XKR6: variants seen among roughly 807,000 people sequenced by gnomAD.
XKR6 encodes XK-related protein 6.
A neutral mutation model predicts 56.7 loss-of-function variants in XKR6; 22 were observed. That is an observed-to-expected ratio of 0.39 (90% CI 0.28 to 0.55). The LOEUF (loss-of-function observed/expected upper bound fraction) is 0.55. Ranked by LOEUF, XKR6 falls within the 20% of genes least tolerant of loss-of-function variation. The pLI, the probability that XKR6 is intolerant of heterozygous loss-of-function variation, is 0.66. For missense variants in XKR6, 852 were observed against 889.0 expected (o/e 0.96, Z 0.53); for synonymous variants, 524 against 387.8 (o/e 1.35, Z -4.13).
intron 1 of XKR6, among the ~76,000 whole-genome samples, chr8:11,036,871 T>C (rs1799158441): frequency 6.6e-6 from 1 of 152,210 alleles, no homozygotes; most frequent in South Asian, 2.1e-4. Context: ...TGTTATTCTG[T>C]GAGCACAGGG....
At chr8:10,913,605 A>G (rs919308270) in intron 2 of XKR6, among the ~76,000 whole-genome samples, 5 of 152,218 alleles carry the variant, frequency 3.3e-5, no homozygotes, top group Admixed American at 6.5e-5. Context: ...AGAGATCACC[A>G]GTGTTTACAA....
intron 1 of XKR6, among the ~76,000 whole-genome samples, chr8:11,011,903 G>C (rs1376638799): frequency 6.6e-6 from 1 of 152,232 alleles, no homozygotes; most frequent in East Asian, 1.9e-4. Flanking sequence ...GTGCAGTGTG[G>C]CAGCTCAGGT....
At chr8:11,000,615 G>A (rs952185531) in intron 1 of XKR6, among the ~76,000 whole-genome samples, 11 of 152,140 alleles carry the variant, frequency 7.2e-5, no homozygotes, top group African/African-American at 2.4e-4. Flanking sequence ...AACCCAGGAG[G>A]CAGAGATTGC....
intron 1 of XKR6, among the ~76,000 whole-genome samples, chr8:11,178,331 A>C (rs1228170468): frequency 1.3e-5 from 2 of 152,004 alleles, no homozygotes; most frequent in Non-Finnish European, 2.9e-5. Context: ...AAATGGGCCA[A>C]AAAACATAAG....
At chr8:11,008,806 C>G (rs1233125427) in intron 1 of XKR6, among the ~76,000 whole-genome samples, 2 of 152,080 alleles carry the variant, frequency 1.3e-5, no homozygotes, top group African/African-American at 4.8e-5. Flanking sequence ...GCGCTCATAT[C>G]ACTGAATGCC....
At chr8:11,197,175 T>C (rs1350815182) in intron 1 of XKR6, among the ~76,000 whole-genome samples, 3 of 152,208 alleles carry the variant, frequency 2.0e-5, no homozygotes, top group Admixed American at 1.3e-4. Flanking sequence ...ATATGGCAAG[T>C]GGTATAAACA....
chr8:11,143,305 T>C (rs965155076), intron 1 of XKR6, among the ~76,000 whole-genome samples: 1 of 152,164 alleles, frequency 6.6e-6, no homozygotes, highest in African/African-American at 2.4e-5. Flanking sequence ...GCCTCTGAAG[T>C]CCAGCCTGGG....
intron 1 of XKR6, among the ~76,000 whole-genome samples, chr8:11,016,225 C>A (rs1174975493): frequency 6.6e-6 from 1 of 152,194 alleles, no homozygotes; most frequent in Admixed American, 6.5e-5. Flanking sequence ...GACCTTCCTC[C>A]CCGCACCCTG....
chr8:11,082,499 T>G (rs1429567741), intron 1 of XKR6, among the ~76,000 whole-genome samples: 1 of 152,232 alleles, frequency 6.6e-6, no homozygotes, highest in Non-Finnish European at 1.5e-5. Flanking sequence ...AGACCCAGCT[T>G]GCCTCTGGTG....
intron 1 of XKR6, among the ~76,000 whole-genome samples, chr8:10,941,625 G>A (rs185274577): frequency 6.6e-6 from 1 of 152,362 alleles, no homozygotes; most frequent in East Asian, 1.9e-4. Context: ...CACAGGGCAT[G>A]TGCTGAGGGA....
At chr8:10,972,516 G>A (rs1044780535) in intron 1 of XKR6, among the ~76,000 whole-genome samples, 1 of 152,162 alleles carries the variant, frequency 6.6e-6, no homozygotes, top group African/African-American at 2.4e-5. Flanking sequence ...TCCTTATCAT[G>A]GAATCGTATT....
intron 1 of XKR6, among the ~76,000 whole-genome samples, chr8:11,067,293 T>C (rs1433701486): frequency 6.6e-6 from 1 of 152,162 alleles, no homozygotes; most frequent in Non-Finnish European, 1.5e-5. Flanking sequence ...TGGCTTGAGC[T>C]TGCATCCTCT....
Position 11,111,008 on chromosome 8 carries a change from A to ATTT in XKR6, c.764+89565_764+89567dup, listed in dbSNP as rs58233543. ...CCTGCCACCACGCCTGGCTTTTTCT[A>ATTT]TTTTTTTTTTTTTTTTTTTTTTTTT... On this transcript the variant is annotated intron_variant, in intron 1 of 2. Coordinates refer to ENST00000416569, the MANE Select transcript of XKR6 (RefSeq NM_173683.4). Among the ~76,000 whole-genome samples the ATTT allele has an allele frequency of 1.5e-3, 166 of 114,176 alleles. 4 individuals are homozygous for ATTT. Among genetic ancestry groups the ATTT allele is most frequent in the South Asian group, 7.5e-3 (26 of 3,472 alleles). 74.9% of individuals were successfully genotyped at this position (114,176 alleles called of 152,430 possible).
At chr8:10,996,936 T>G (rs1798126706) in intron 1 of XKR6, among the ~76,000 whole-genome samples, 1 of 152,090 alleles carries the variant, frequency 6.6e-6, no homozygotes, top group African/African-American at 2.4e-5. Flanking sequence ...TCCACTGCAC[T>G]CCAGCCTGGG....
intron 1 of XKR6, among the ~76,000 whole-genome samples, chr8:10,945,957 T>C (rs1302907089): frequency 6.6e-6 from 1 of 152,084 alleles, no homozygotes; most frequent in Non-Finnish European, 1.5e-5. Flanking sequence ...ATGGGGACTA[T>C]ATTTGATTCC....
intron 1 of XKR6, among the ~76,000 whole-genome samples, chr8:11,007,770 C>T (rs548405795): frequency 2.1e-3 from 319 of 152,296 alleles, no homozygotes; most frequent in African/African-American, 7.3e-3. Flanking sequence ...GGGCAAGGTG[C>T]CTGCAGTCTA....
intron 1 of XKR6, among the ~76,000 whole-genome samples, chr8:10,937,459 TGGA>T (rs1170186707): frequency 5.3e-5 from 8 of 151,336 alleles, no homozygotes; most frequent in African/African-American, 1.9e-4. Flanking sequence ...TGCATTCCTT[TGGA>T]GGAGGAGAGG....
At chr8:10,969,299 G>A (rs1175398061) in intron 1 of XKR6, among the ~76,000 whole-genome samples, 1 of 152,188 alleles carries the variant, frequency 6.6e-6, no homozygotes, top group Non-Finnish European at 1.5e-5. Context: ...CCACCGTGTT[G>A]CTTTGGAGGC....
chr8:11,192,035 T>C (rs943387812), intron 1 of XKR6, among the ~76,000 whole-genome samples: 8 of 152,148 alleles, frequency 5.3e-5, no homozygotes, highest in Admixed American at 2.6e-4. Flanking sequence ...ATATCTATAT[T>C]AACAACTGGC....
Sources: gnomAD v4.1 joint callset for allele counts (sites outside exome capture counted in the v4.1 genomes callset) on GRCh38, gnomAD v4.1.1 for gene constraint, MANE v1.5 for transcripts, NCBI Gene and HGNC (gene_info 2026-07-23, HGNC 2026-07-21) for gene names.